Variants in RBM26 observed in about 807,000 individuals in gnomAD.
RBM26 encodes RNA binding motif protein 26, also known as RNA-binding protein 26.
Under a neutral mutation model 123.6 loss-of-function variants are expected in RBM26, and 30 were observed. The observed-to-expected ratio is 0.24, with a 90% CI of 0.18 to 0.33. The LOEUF (loss-of-function observed/expected upper bound fraction) is 0.33. RBM26 is among the 10% of genes least tolerant of loss of function. The pLI, the probability that RBM26 is intolerant of heterozygous loss-of-function variation, is 1.00. For missense variants in RBM26, 947 were observed against 1,203.6 expected (o/e 0.79, Z 3.15); for synonymous variants, 400 against 404.4 (o/e 0.99, Z 0.13).
chr13:79,334,337 A>G lies in RBM26; in HGVS notation c.2820+7T>C, dbSNP rs1210449923. The G allele has an allele frequency of 6.8e-7, 1 of 1,462,332 alleles. No homozygotes were observed. The highest frequency in any genetic ancestry group is 2.2e-5 in the Admixed American group (1 of 46,018). The allele number at this position is 1,462,332 out of a possible 1,614,324, so 90.6% of individuals were successfully genotyped here. On this transcript the variant is annotated splice_region_variant and intron_variant, in intron 20 of 21. Transcript: ENST00000438737. ...ATCTGAATTGATAAATTATTTTTAA[A>G]ACTTACTGCTTCAGCTTCTGCTCTT...
chr13:79,368,950 T>G lies in RBM26; in HGVS notation c.675A>C (p.Thr225=). The G allele has an allele frequency of 1.2e-6, 2 of 1,611,008 alleles. No individual in the cohort carries two copies. The highest frequency in any genetic ancestry group is 2.2e-5 in the South Asian group (2 of 91,006). ...LVKPKYDLDR[T]DPLENNYTPV... is the part of the protein sequence containing the mutation. ...GAGTATAATTATTTTCTAATGGATC[T>G]GTTCTATCCAGGTCATATTTAGGTT... The change falls in exon 6 of 22, where the codon ACA becomes ACC. Residue 225 remains threonine (T), a synonymous_variant. Transcript: ENST00000438737.
chr13:79,341,256 G>A (rs1356416082), intron 17 of RBM26, 29 bp from the exon 18 acceptor site: 3 of 1,372,844 alleles, frequency 2.2e-6, no homozygotes, highest in Non-Finnish European at 3.1e-6. Context: ...TATTTTAGGT[G>A]ACAGTAATTA....
intron 9 of RBM26, among the ~76,000 whole-genome samples, chr13:79,361,633 G>C (rs2074695777): frequency 6.6e-6 from 1 of 152,140 alleles, no homozygotes; most frequent in African/African-American, 2.4e-5. Context: ...TGCGGCTGTT[G>C]ATCATCTTCT....
intron 2 of RBM26, among the ~76,000 whole-genome samples, chr13:79,378,030 T>C (rs2076789238): frequency 6.6e-6 from 1 of 152,212 alleles, no homozygotes. Flanking sequence ...CATGCTATTT[T>C]CAAGACGGTA....
At chr13:79,386,914 C>T (rs2077542172) in intron 1 of RBM26, among the ~76,000 whole-genome samples, 1 of 152,102 alleles carries the variant, frequency 6.6e-6, no homozygotes, top group African/African-American at 2.4e-5. Flanking sequence ...TTCTATCATC[C>T]TGTTGGATAA....
In RBM26 at chr13:79,368,996, A is replaced by G; in HGVS notation, c.635-6T>C. 1 of 1,590,088 alleles carries G rather than the reference A, an allele frequency of 6.3e-7. No individual in the cohort carries two copies. On this transcript the variant is annotated splice_polypyrimidine_tract_variant and splice_region_variant and intron_variant, in intron 5 of 21. Coordinates refer to ENST00000438737, the MANE Select transcript of RBM26 (RefSeq NM_001366735.2). ...AGGTTTTACCAGATCCCTTTCTGCA[A>G]CGAAAGATAAATGACATATAAAACT... is the stretch of plus-strand genomic sequence containing the variant.
Position 79,378,877 on chromosome 13 carries a change from T to A in RBM26, c.102A>T (p.Lys34Asn). ...ICDADPSALA[K>N]YVLALVKKDK... Reference sequence around the variant, plus strand: ...CTTTCTTTACCAAAGCCAGAACATATTTTGCTAGGGCGGATGGATCTGCAT... The same window carrying A: ...CTTTCTTTACCAAAGCCAGAACATAATTTGCTAGGGCGGATGGATCTGCAT... The change falls in exon 2 of 22, where the codon AAA becomes AAT. Residue 34 changes from lysine to asparagine, a missense_variant. Lys to Asn is a moderately conservative substitution (Grantham distance 94). Transcript: ENST00000438737. 1 of 1,613,528 alleles carries A rather than the reference T, an allele frequency of 6.2e-7. No homozygotes were observed. The highest frequency in any genetic ancestry group is 8.5e-7 in the Non-Finnish European group (1 of 1,179,584).
At chr13:79,383,739 T>C (rs1303321256) in intron 1 of RBM26, among the ~76,000 whole-genome samples, 1 of 152,046 alleles carries the variant, frequency 6.6e-6, no homozygotes, top group Non-Finnish European at 1.5e-5. Context: ...TGTAGACACG[T>C]GCTCTGAGGA....
intron 20 of RBM26, among the ~76,000 whole-genome samples, chr13:79,329,506 G>C (rs115053521): frequency 2.1e-3 from 314 of 151,940 alleles, no homozygotes; most frequent in African/African-American, 7.2e-3. Context: ...GTCAATTCCA[G>C]GTCTGGAAGA....
chr13:79,372,960 T>C (rs184387942), intron 3 of RBM26, among the ~76,000 whole-genome samples: 4 of 17,596 alleles, frequency 2.3e-4, no homozygotes, highest in African/African-American at 9.6e-4. Context: ...ACATATTTTA[T>C]ATAATATATA....
At chr13:79,359,751 T>C in intron 9 of RBM26, 65 bp from the exon 10 acceptor site, 3 of 707,590 alleles carry the variant, frequency 4.2e-6, no homozygotes, top group Non-Finnish European at 6.5e-6. Context: ...TTATCATAGA[T>C]ACCTTCCTCA....
At chr13:79,368,129 C>G (rs1009901662) in intron 6 of RBM26, among the ~76,000 whole-genome samples, 1 of 151,982 alleles carries the variant, frequency 6.6e-6, no homozygotes. Context: ...GGTTTCACGC[C>G]TTCTCCTGCC....
intron 1 of RBM26, among the ~76,000 whole-genome samples, chr13:79,400,904 C>CA (rs947211100): frequency 1.2e-4 from 18 of 152,204 alleles, no homozygotes; most frequent in African/African-American, 4.3e-4. Flanking sequence ...GGCAAATTAA[C>CA]AAAAAATTAA....
chr13:79,397,832 G>A (rs997648440), intron 1 of RBM26, among the ~76,000 whole-genome samples: 3 of 151,658 alleles, frequency 2.0e-5, no homozygotes, highest in African/African-American at 4.8e-5. Flanking sequence ...AGAATTCAAC[G>A]TCAATATACA....
chr13:79,399,076 A>C (rs751339037), intron 1 of RBM26, among the ~76,000 whole-genome samples: 1 of 152,218 alleles, frequency 6.6e-6, no homozygotes, highest in Non-Finnish European at 1.5e-5. Flanking sequence ...ACAAGTGATG[A>C]GTGTCATGAC....
At chr13:79,400,850 A>C (rs1449507650) in intron 1 of RBM26, among the ~76,000 whole-genome samples, 1 of 152,232 alleles carries the variant, frequency 6.6e-6, no homozygotes, top group Non-Finnish European at 1.5e-5. Context: ...TTATATTACA[A>C]CGAAGAAATT....
At chr13:79,371,805 C>T (rs994107847) in intron 4 of RBM26, 37 bp downstream of exon 4, 3 of 1,374,724 alleles carry the variant, frequency 2.2e-6, no homozygotes, top group Non-Finnish European at 3.1e-6. Flanking sequence ...AGATAACTTA[C>T]ATCGAAACAC....
chr13:79,330,697 G>A (rs1015241120), intron 20 of RBM26, among the ~76,000 whole-genome samples: 1 of 152,038 alleles, frequency 6.6e-6, no homozygotes, highest in Non-Finnish European at 1.5e-5. Context: ...GTTAAAGCAC[G>A]AGTTATGAAC....
At chr13:79,366,940 C>A in intron 6 of RBM26, 68 bp from the exon 7 acceptor site, 11 of 1,302,130 alleles carry the variant, frequency 8.4e-6, no homozygotes, top group Middle Eastern at 2.4e-4. Context: ...TCTAAGTTAG[C>A]AAAAGTAAAA....
Sources: gnomAD v4.1 joint callset for allele counts (sites outside exome capture counted in the v4.1 genomes callset) on GRCh38, gnomAD v4.1.1 for gene constraint, MANE v1.5 for transcripts, NCBI Gene and HGNC (gene_info 2026-07-23, HGNC 2026-07-21) for gene names.